IPO11: variants seen among roughly 807,000 people sequenced by gnomAD.
The protein encoded by IPO11 is importin 11.
IPO11 carries 66 observed loss-of-function variants against 143.2 expected under a neutral mutation model. The ratio of observed to expected loss-of-function variants is 0.46; its 90% CI spans 0.38 to 0.57. IPO11 has a LOEUF of 0.57. Ranked by LOEUF, IPO11 falls within the 20% of genes least tolerant of loss-of-function variation. IPO11 has a pLI of 0.00. For missense variants in IPO11, 1,026 were observed against 1,141.0 expected (o/e 0.90, Z 1.45); for synonymous variants, 385 against 377.8 (o/e 1.02, Z -0.22).
chr5:62,604,890 C>G (rs1444585433), intron 29 of IPO11, among the ~76,000 whole-genome samples: 1 of 152,102 alleles, frequency 6.6e-6, no homozygotes, highest in East Asian at 1.9e-4. Context: ...CAACTTTAAA[C>G]AAAGAAAATT....
intron 22 of IPO11, among the ~76,000 whole-genome samples, chr5:62,535,150 C>T (rs905386441): frequency 6.6e-6 from 1 of 151,634 alleles, no homozygotes; most frequent in Non-Finnish European, 1.5e-5. Context: ...TTGTATAGAA[C>T]GATCCAGGAA....
At chr5:62,563,736 G>A (rs1001319476) in intron 27 of IPO11, among the ~76,000 whole-genome samples, 1 of 152,084 alleles carries the variant, frequency 6.6e-6, no homozygotes, top group Non-Finnish European at 1.5e-5. Flanking sequence ...ATGAAACAAA[G>A]TATTTGTGTG....
rs780803570 is a variant in IPO11, at chr5:62,452,721, GGGGTGT to G, written c.516+790_516+795del. 2.3e-3 allele frequency among the ~76,000 whole-genome samples: 223 copies of G among 96,774 alleles called. 3 individuals carry two copies. The highest frequency in any genetic ancestry group is 0.015 in the South Asian group (34 of 2,240). The allele number at this position is 96,774 out of a possible 152,430, so 63.5% of individuals were successfully genotyped here. ...GACAGGGTTTTGTTCTGTTTTTGGT[GGGGTGT>G]GTGTGTGTGTGTGTGTGTGTGTGTG... On this transcript the variant is annotated intron_variant, in intron 5 of 29. Coordinates refer to ENST00000325324, the MANE Select transcript of IPO11 (RefSeq NM_016338.5).
At position 62,506,213 on chromosome 5, in the gene IPO11, TTTTTATTTTCTTTCTTTTTA is replaced by T; in HGVS notation, c.1666-27_1666-8del. ...GGTCTTTCATTTCTATTATAAACCTTTTTTATTTTCTTTCTTTTTACCTGCAGTATTTGGAAACCATGTTC... is the reference window on the plus strand; with the variant it reads ...GGTCTTTCATTTCTATTATAAACCTTCCTGCAGTATTTGGAAACCATGTTC... On this transcript the variant is annotated splice_polypyrimidine_tract_variant and splice_region_variant and intron_variant, in intron 18 of 29. Coordinates refer to ENST00000325324, the MANE Select transcript of IPO11 (RefSeq NM_016338.5). The T allele has an allele frequency of 7.7e-7, 1 of 1,296,212 alleles. No individual in the cohort carries two copies. The highest frequency in any genetic ancestry group is 1.2e-5 in the South Asian group (1 of 80,480). The allele number at this position is 1,296,212 out of a possible 1,614,324, so 80.3% of individuals were successfully genotyped here.
At chr5:62,599,801 T>TA (rs1315012136) in intron 28 of IPO11, among the ~76,000 whole-genome samples, 1 of 152,236 alleles carries the variant, frequency 6.6e-6, no homozygotes, top group Non-Finnish European at 1.5e-5. Context: ...TCTACACACT[T>TA]CAGTTTATTA....
chr5:62,541,228 G>A (rs910166218), intron 24 of IPO11, among the ~76,000 whole-genome samples: 3 of 151,710 alleles, frequency 2.0e-5, no homozygotes, highest in African/African-American at 7.3e-5. Context: ...AAAATTAGCC[G>A]GGCATGGTGC....
intron 5 of IPO11, among the ~76,000 whole-genome samples, chr5:62,465,391 T>G (rs1362636703): frequency 6.6e-6 from 1 of 152,260 alleles, no homozygotes; most frequent in East Asian, 1.9e-4. Flanking sequence ...TATGGTTTAC[T>G]GAAGTTATAA....
intron 7 of IPO11, among the ~76,000 whole-genome samples, chr5:62,470,813 C>G (rs1447412721): frequency 1.3e-5 from 1 of 76,262 alleles, no homozygotes; most frequent in Non-Finnish European, 2.5e-5. Flanking sequence ...AGATAGCCAT[C>G]TTCTTTTTTT....
At chr5:62,463,125 C>G (rs929658280) in intron 5 of IPO11, among the ~76,000 whole-genome samples, 8 of 151,968 alleles carry the variant, frequency 5.3e-5, no homozygotes, top group African/African-American at 1.9e-4. Context: ...CACTGCAGCC[C>G]TGAACTCCTG....
At chr5:62,422,064 T>G (rs1743533361) in intron 1 of IPO11, among the ~76,000 whole-genome samples, 1 of 152,250 alleles carries the variant, frequency 6.6e-6, no homozygotes, top group African/African-American at 2.4e-5. Flanking sequence ...CTCTATTCAG[T>G]GCCTTAATCA....
At chr5:62,589,442 C>T (rs758333654) in intron 27 of IPO11, among the ~76,000 whole-genome samples, 4 of 152,174 alleles carry the variant, frequency 2.6e-5, no homozygotes, top group Admixed American at 1.3e-4. Flanking sequence ...AGTCAAGTCA[C>T]CCACCCAAGA....
At chr5:62,506,507 A>G (rs1741560118) in intron 19 of IPO11, 150 bp downstream of exon 19, 2 of 500,460 alleles carry the variant, frequency 4.0e-6, no homozygotes, top group Non-Finnish European at 7.1e-6. Flanking sequence ...TGTATTATTC[A>G]AAATTGACAT....
rs145662359 is a variant in IPO11 at position 62,430,342 on chromosome 5, T to C, written c.-6-6932T>C. Among the ~76,000 whole-genome samples, 437 of 152,316 alleles carry C rather than the reference T, an allele frequency of 2.9e-3. 2 individuals carry two copies. The highest frequency in any genetic ancestry group is 6.4e-3 in the Admixed American group (98 of 15,290). On this transcript the variant is annotated intron_variant, in intron 1 of 29. Coordinates refer to ENST00000325324, the MANE Select transcript of IPO11 (RefSeq NM_016338.5). ...TTACTGATGCCTCATTATCTTCTTT[T>C]AAAAAGCTGGACACCATTGATCGGA...
chr5:62,522,004 G>A (rs1742217592), intron 20 of IPO11, among the ~76,000 whole-genome samples: 1 of 151,896 alleles, frequency 6.6e-6, no homozygotes, highest in Non-Finnish European at 1.5e-5. Context: ...TTCTTTTAGG[G>A]TGCTGTTTTC....
chr5:62,470,201 T>G, intron 6 of IPO11, 49 bp from the exon 7 acceptor site: 1 of 1,537,038 alleles, frequency 6.5e-7, no homozygotes, highest in South Asian at 1.1e-5. Context: ...TGATTGTAAT[T>G]TTAGTAGGAT....
At chr5:62,606,002 A>G (rs1745699966) in intron 29 of IPO11, among the ~76,000 whole-genome samples, 1 of 152,076 alleles carries the variant, frequency 6.6e-6, no homozygotes, top group African/African-American at 2.4e-5. Flanking sequence ...AAGTGCCGGC[A>G]TTACAGGTGT....
intron 1 of IPO11, among the ~76,000 whole-genome samples, chr5:62,425,467 G>A (rs771068478): frequency 6.6e-6 from 1 of 152,136 alleles, no homozygotes; most frequent in Non-Finnish European, 1.5e-5. Context: ...ACAGGCGAGC[G>A]CCACCATGCC....
chr5:62,601,856 A>T lies in IPO11; in HGVS notation c.2763+8A>T. On this transcript the variant is annotated splice_region_variant and intron_variant, in intron 29 of 29. Coordinates refer to ENST00000325324, the MANE Select transcript of IPO11 (RefSeq NM_016338.5). Reference sequence around the variant, plus strand: ...GATAAGAGGAAAAAGATGGTAAGTTATAAAAGTAGCTTGTAAAAATTAAGA... The same window carrying T: ...GATAAGAGGAAAAAGATGGTAAGTTTTAAAAGTAGCTTGTAAAAATTAAGA... The T allele has an allele frequency of 6.5e-7, 1 of 1,536,144 alleles. No individual in the cohort carries two copies. The highest frequency in any genetic ancestry group is 8.8e-7 in the Non-Finnish European group (1 of 1,132,642).
chr5:62,601,649 G>A (rs1415063103), intron 28 of IPO11, 115 bp from the exon 29 acceptor site: 1 of 461,468 alleles, frequency 2.2e-6, no homozygotes, highest in Non-Finnish European at 3.7e-6. Flanking sequence ...TCACATTTTG[G>A]TGTGAAAAAC....
Sources: allele counts gnomAD v4.1 joint callset (sites outside exome capture counted in the v4.1 genomes callset), GRCh38; gene constraint gnomAD v4.1.1; transcripts MANE v1.5; gene names NCBI Gene and HGNC (gene_info 2026-07-23, HGNC 2026-07-21).